SCHIP1: variants seen among roughly 807,000 people sequenced by gnomAD.
The protein encoded by SCHIP1 is schwannomin-interacting protein 1.
SCHIP1 carries 8 observed loss-of-function variants against 29.7 expected under a neutral mutation model. The observed-to-expected ratio is 0.27, with a 90% CI of 0.16 to 0.49. SCHIP1 has a LOEUF of 0.49. Ranked by LOEUF, SCHIP1 falls within the 20% of genes least tolerant of loss-of-function variation. The pLI is 0.99. For missense variants in SCHIP1, 193 were observed against 294.6 expected, an observed-to-expected ratio of 0.66 and a Z score of 2.52; for synonymous variants, 76 against 94.9, an observed-to-expected ratio of 0.80 and a Z score of 1.16.
At chr3:159,549,306 T>C in the SCHIP1 span, among the ~76,000 whole-genome samples, 3 of 152,280 alleles carry the variant, frequency 2.0e-5, no homozygotes, top group South Asian at 6.2e-4. Flanking sequence ...CAAAGGGCTG[T>C]GAGTTTTCTA....
At chr3:159,340,885 C>T in the SCHIP1 span, among the ~76,000 whole-genome samples, 2 of 152,114 alleles carry the variant, frequency 1.3e-5, no homozygotes, top group African/African-American at 4.8e-5. Flanking sequence ...AGAGTAGGAA[C>T]CTAGGCAATT....
chr3:159,660,581 C>T, the SCHIP1 span, among the ~76,000 whole-genome samples: 1 of 152,104 alleles, frequency 6.6e-6, no homozygotes, highest in South Asian at 2.1e-4. Context: ...CATATGCACA[C>T]ATACAATGAA....
At chr3:159,491,417 T>G in the SCHIP1 span, among the ~76,000 whole-genome samples, 1 of 152,180 alleles carries the variant, frequency 6.6e-6, no homozygotes, top group South Asian at 2.1e-4. Context: ...AATACTGCGC[T>G]TTTCCAACGG....
At chr3:159,486,737 A>C in the SCHIP1 span, among the ~76,000 whole-genome samples, 1 of 152,236 alleles carries the variant, frequency 6.6e-6, no homozygotes, top group Admixed American at 6.5e-5. Context: ...AAGCTGGTTC[A>C]GCGGCTCAGC....
the SCHIP1 span, among the ~76,000 whole-genome samples, chr3:159,805,405 G>T: frequency 5.3e-5 from 8 of 152,178 alleles, no homozygotes; most frequent in African/African-American, 1.9e-4. Flanking sequence ...AATCACAGCG[G>T]CTGTGACACA....
the SCHIP1 span, among the ~76,000 whole-genome samples, chr3:159,697,632 C>T: frequency 6.6e-6 from 1 of 152,010 alleles, no homozygotes; most frequent in African/African-American, 2.4e-5. Flanking sequence ...ATTTGAAAAT[C>T]TTCCTTAGTA....
chr3:159,694,537 CAAGA>C, the SCHIP1 span, among the ~76,000 whole-genome samples: 16,637 of 119,054 alleles, frequency 0.14, 1,219 homozygotes, highest in East Asian at 0.15. Flanking sequence ...AAAGAAAAGA[CAAGA>C]AAGAAAGAAA....
intron 1 of SCHIP1, among the ~76,000 whole-genome samples, chr3:159,857,179 C>A (rs1713483490): frequency 6.6e-6 from 1 of 152,174 alleles, no homozygotes; most frequent in South Asian, 2.1e-4. Context: ...ATCATATCAC[C>A]CCATTGGCAC....
the SCHIP1 span, among the ~76,000 whole-genome samples, chr3:159,556,606 A>G: frequency 6.6e-6 from 1 of 151,992 alleles, no homozygotes; most frequent in Non-Finnish European, 1.5e-5. Context: ...GGATGAGTTC[A>G]TGTCCTTTGT....
At chr3:159,713,852 A>G in the SCHIP1 span, among the ~76,000 whole-genome samples, 1 of 146,474 alleles carries the variant, frequency 6.8e-6, no homozygotes, top group African/African-American at 2.6e-5. Flanking sequence ...TTTACAGCAA[A>G]GCAAACAAAT....
the SCHIP1 span, chr3:159,722,063 G>T: frequency 5.6e-6 from 2 of 356,366 alleles, no homozygotes; most frequent in East Asian, 7.2e-5. Context: ...CCCTTCAGTT[G>T]GTTTCTGCAG....
the SCHIP1 span, among the ~76,000 whole-genome samples, chr3:159,586,953 T>C: frequency 6.6e-6 from 1 of 152,200 alleles, no homozygotes; most frequent in African/African-American, 2.4e-5. Context: ...ATTAGGGCTA[T>C]CATATACGTG....
upstream of SCHIP1, among the ~76,000 whole-genome samples, chr3:159,836,746 T>G (rs1743700010): frequency 6.6e-6 from 1 of 152,194 alleles, no homozygotes; most frequent in South Asian, 2.1e-4. Flanking sequence ...ATCCCTATGC[T>G]ACAAAGACTA....
At chr3:159,780,055 C>T in the SCHIP1 span, among the ~76,000 whole-genome samples, 7 of 152,222 alleles carry the variant, frequency 4.6e-5, no homozygotes, top group South Asian at 2.1e-4. Context: ...CTACCTCTTC[C>T]GCGTCATGTG....
chr3:159,520,061 A>G, the SCHIP1 span, among the ~76,000 whole-genome samples: 3 of 150,818 alleles, frequency 2.0e-5, no homozygotes, highest in African/African-American at 4.9e-5. Context: ...TTGCCAGCAT[A>G]TAAATACCAG....
At chr3:159,406,122 G>T in the SCHIP1 span, among the ~76,000 whole-genome samples, 8 of 151,524 alleles carry the variant, frequency 5.3e-5, no homozygotes, top group African/African-American at 1.9e-4. Context: ...GCAGAAGAAG[G>T]TTATAGAACA....
chr3:159,585,160 T>C, the SCHIP1 span, among the ~76,000 whole-genome samples: 1 of 152,024 alleles, frequency 6.6e-6, no homozygotes, highest in African/African-American at 2.4e-5. Context: ...GATAATTGAC[T>C]TCTGTATTAT....
At chr3:159,734,013 A>T in the SCHIP1 span, among the ~76,000 whole-genome samples, 1 of 152,198 alleles carries the variant, frequency 6.6e-6, no homozygotes, top group Admixed American at 6.5e-5. Flanking sequence ...GTACCAAGCA[A>T]ATCCAGAAAG....
At chr3:159,756,938 C>T in the SCHIP1 span, among the ~76,000 whole-genome samples, 1 of 152,216 alleles carries the variant, frequency 6.6e-6, no homozygotes, top group Non-Finnish European at 1.5e-5. Context: ...TTCAGTCAGC[C>T]TGACTTAATG....
Sources: gnomAD v4.1 joint callset for allele counts (sites outside exome capture counted in the v4.1 genomes callset) on GRCh38, gnomAD v4.1.1 for gene constraint, MANE v1.5 for transcripts, NCBI Gene and HGNC (gene_info 2026-07-23, HGNC 2026-07-21) for gene names.